Variants in GALNT18 observed in about 807,000 individuals in gnomAD.
The protein encoded by GALNT18 is GalNAc-transferase 18.
A neutral mutation model predicts 69.5 loss-of-function variants in GALNT18; 44 were observed. The observed-to-expected ratio is 0.63, with a 90% CI of 0.50 to 0.81. GALNT18 has a LOEUF of 0.81. Ranked by LOEUF, GALNT18 falls within the 40% of genes least tolerant of loss-of-function variation. GALNT18 has a pLI of 0.00. For missense variants in GALNT18, 715 were observed against 810.0 expected, an observed-to-expected ratio of 0.88 and a Z score of 1.42; for synonymous variants, 364 against 318.2, an observed-to-expected ratio of 1.14 and a Z score of -1.53.
At chr11:11,528,680 T>C (rs1048136022) in intron 1 of GALNT18, among the ~76,000 whole-genome samples, 2 of 152,128 alleles carry the variant, frequency 1.3e-5, no homozygotes, top group Non-Finnish European at 2.9e-5. Flanking sequence ...AGGAGGTAGA[T>C]GCAGGAAAGT....
chr11:11,544,026 G>A (rs749019970), intron 1 of GALNT18, among the ~76,000 whole-genome samples: 4 of 152,184 alleles, frequency 2.6e-5, no homozygotes, highest in Non-Finnish European at 4.4e-5. Flanking sequence ...GTGCGCACAA[G>A]GCTTCCTCGT....
chr11:11,410,277 A>G (rs1005064727), intron 3 of GALNT18, among the ~76,000 whole-genome samples: 1 of 152,070 alleles, frequency 6.6e-6, no homozygotes, highest in Non-Finnish European at 1.5e-5. Flanking sequence ...GCTTCCTTGC[A>G]TCCTGCTCAC....
At chr11:11,468,796 G>C (rs1457015379) in intron 1 of GALNT18, among the ~76,000 whole-genome samples, 1 of 152,242 alleles carries the variant, frequency 6.6e-6, no homozygotes, top group East Asian at 1.9e-4. Flanking sequence ...TGTCACTGAA[G>C]GGGGTGTGGC....
chr11:11,354,718 A>G (rs1237609393), intron 6 of GALNT18, among the ~76,000 whole-genome samples: 3 of 152,130 alleles, frequency 2.0e-5, no homozygotes, highest in Non-Finnish European at 2.9e-5. Context: ...AAAACACACT[A>G]CATTCCTCTG....
chr11:11,616,875 ATTACT>A lies in GALNT18; in HGVS notation c.235+4479_235+4483del, dbSNP rs375292526. On this transcript the variant is annotated intron_variant, in intron 1 of 10. Transcript: ENST00000227756. This position sits in a 1 kb window ranked among gnomAD's most constrained non-coding sequence, Gnocchi z 4.4. ...AAAGATGAGTGTTGTTTCTAAGAAA[ATTACT>A]TTAAGTTCTAAGTGCTTTGCAAAGG... 5.9e-5 allele frequency among the ~76,000 whole-genome samples: 9 copies of A among 152,374 alleles called. No individual in the cohort carries two copies. In the South Asian group the frequency reaches 1.4e-3, roughly 25 times the overall value.
At chr11:11,304,658 C>T (rs1430805911) in intron 9 of GALNT18, among the ~76,000 whole-genome samples, 2 of 152,166 alleles carry the variant, frequency 1.3e-5, no homozygotes, top group African/African-American at 4.8e-5. Flanking sequence ...TAGTCTCTGC[C>T]CTCTCCTATG....
intron 9 of GALNT18, among the ~76,000 whole-genome samples, chr11:11,307,590 C>T (rs1849600636): frequency 6.6e-6 from 1 of 152,150 alleles, no homozygotes; most frequent in South Asian, 2.1e-4. Context: ...CATCACAATG[C>T]CCTGCTTCTT....
intron 3 of GALNT18, among the ~76,000 whole-genome samples, chr11:11,411,966 C>A (rs1296090268): frequency 6.6e-6 from 1 of 152,174 alleles, no homozygotes; most frequent in Non-Finnish European, 1.5e-5. Context: ...ATATCCCGGG[C>A]ATTTTGGGGT....
At chr11:11,581,818 G>T (rs1246135087) in intron 1 of GALNT18, among the ~76,000 whole-genome samples, 2 of 152,010 alleles carry the variant, frequency 1.3e-5, no homozygotes, top group East Asian at 3.9e-4. Flanking sequence ...CTAAAAGGGT[G>T]GTCACTCTCC....
intron 1 of GALNT18, among the ~76,000 whole-genome samples, chr11:11,484,398 G>C (rs1422416318): frequency 1.3e-5 from 2 of 151,980 alleles, no homozygotes; most frequent in African/African-American, 4.8e-5. Flanking sequence ...TTTGAGACCA[G>C]CCTGACCAAC....
chr11:11,326,175 GCTGGGA>G (rs1849914620), intron 9 of GALNT18, among the ~76,000 whole-genome samples: 1 of 151,348 alleles, frequency 6.6e-6, no homozygotes, highest in Non-Finnish European at 1.5e-5. Flanking sequence ...CTCCTGAGTA[GCTGGGA>G]CTACAGGCGC....
intron 9 of GALNT18, among the ~76,000 whole-genome samples, chr11:11,325,576 T>C (rs1036456523): frequency 3.9e-5 from 6 of 152,112 alleles, no homozygotes; most frequent in Non-Finnish European, 5.9e-5. Flanking sequence ...AGAAAATATA[T>C]ATTATATAGT....
In GALNT18 at chr11:11,497,991, A is replaced by C. The variant is rs1459025206; in HGVS notation, c.236-49055T>G. On this transcript the variant is annotated intron_variant, in intron 1 of 10. Coordinates refer to ENST00000227756, the MANE Select transcript of GALNT18 (RefSeq NM_198516.3). The surrounding 1 kb of genome is among the most constrained non-coding windows in gnomAD (Gnocchi z 4.2). ...ATTATAATTCATGACTTTTTATATCATCTATGATTTCCAAATTTGGCTTAA... is the reference window on the plus strand; with the variant it reads ...ATTATAATTCATGACTTTTTATATCCTCTATGATTTCCAAATTTGGCTTAA... Among the ~76,000 whole-genome samples the C allele has an allele frequency of 7.9e-5, 12 of 152,144 alleles. No homozygotes were observed. Among genetic ancestry groups the C allele is most frequent in the Non-Finnish European group, 1.8e-4 (12 of 68,038 alleles).
Position 11,339,907 on chromosome 11 carries a change from G to A in GALNT18, c.1278+912C>T, listed in dbSNP as rs544539927. ...AACAGGGCTTTCATATGATCACTTT[G>A]AGCGAAGATCAATCACTTCCCCATT... On this transcript the variant is annotated intron_variant, in intron 7 of 10. Transcript: ENST00000227756. The surrounding 1 kb of genome is among the most constrained non-coding windows in gnomAD (Gnocchi z 5.2). 1.3e-5 allele frequency among the ~76,000 whole-genome samples: 2 copies of A among 152,294 alleles called. No homozygotes were observed. The highest frequency in any genetic ancestry group is 4.1e-4 in the South Asian group (2 of 4,824).
chr11:11,280,317 T>C (rs7129042), intron 10 of GALNT18, among the ~76,000 whole-genome samples: 89,592 of 151,930 alleles, frequency 0.59, 27,223 homozygotes, highest in Middle Eastern at 0.73. Context: ...GGAATCCCCA[T>C]GCTGAAAGAG....
chr11:11,596,389 A>G lies in GALNT18; in HGVS notation c.235+24970T>C, dbSNP rs111372363. Among the ~76,000 whole-genome samples the G allele has an allele frequency of 7.2e-5, 11 of 152,282 alleles. No homozygotes were observed. The highest frequency in any genetic ancestry group is 2.6e-4 in the African/African-American group (11 of 41,566). ...CTGTATACCTTAAATTTCCATCAGA[A>G]TTTTAAGATAAGCCTGTCAATTTCT... On this transcript the variant is annotated intron_variant, in intron 1 of 10. Transcript: ENST00000227756. This position sits in a 1 kb window ranked among gnomAD's most constrained non-coding sequence, Gnocchi z 4.2.
chr11:11,417,506 C>A (rs1251227534), intron 3 of GALNT18, among the ~76,000 whole-genome samples: 1 of 152,158 alleles, frequency 6.6e-6, no homozygotes, highest in African/African-American at 2.4e-5. Flanking sequence ...CATATCTGAC[C>A]TGCCCATGTG....
chr11:11,621,299 C>T lies in GALNT18; in HGVS notation c.235+60G>A, dbSNP rs1860185438. ...GATGCGCACCAGCCCCAGCGCACCC[C>T]GCGCCGCGCGGGGCACTCCCGGGCC... On this transcript the variant is annotated intron_variant, in intron 1 of 10. Transcript: ENST00000227756. The surrounding 1 kb of genome is among the most constrained non-coding windows in gnomAD (Gnocchi z 9.3). 1 of 1,448,454 alleles carries T rather than the reference C, an allele frequency of 6.9e-7. No individual in the cohort carries two copies. Among genetic ancestry groups the T allele is most frequent in the South Asian group, 1.2e-5 (1 of 83,620 alleles). 89.7% of individuals were successfully genotyped at this position (1,448,454 alleles called of 1,614,324 possible).
rs1188384009 is a variant in GALNT18 at position 11,562,425 on chromosome 11, A to G, written c.235+58934T>C. ...TGTTCTATAAAGTTTCTATCTCCAAATAAGGTTACATTCTGAGGTATTAGG... is the reference window on the plus strand; with the variant it reads ...TGTTCTATAAAGTTTCTATCTCCAAGTAAGGTTACATTCTGAGGTATTAGG... On this transcript the variant is annotated intron_variant, in intron 1 of 10. Coordinates refer to ENST00000227756, the MANE Select transcript of GALNT18 (RefSeq NM_198516.3). The surrounding 1 kb of genome is among the most constrained non-coding windows in gnomAD (Gnocchi z 4.1). Among the ~76,000 whole-genome samples, 1 of 116,440 alleles carries G rather than the reference A, an allele frequency of 8.6e-6. No individual in the cohort carries two copies. The highest frequency in any genetic ancestry group is 1.6e-5 in the Non-Finnish European group (1 of 62,108). The allele number at this position is 116,440 out of a possible 152,430, so 76.4% of individuals were successfully genotyped here. A position where few individuals can be genotyped will look rare whatever the true frequency, so the allele number is the denominator to read the frequency against.
Sources: gnomAD v4.1 joint callset for allele counts (sites outside exome capture counted in the v4.1 genomes callset) on GRCh38, gnomAD v4.1.1 for gene constraint, Gnocchi (gnomAD v3.1) non-coding constraint, MANE v1.5 for transcripts, NCBI Gene and HGNC (gene_info 2026-07-23, HGNC 2026-07-21) for gene names.